The following CNTNAP2 variants were observed in gnomAD, a reference collection of about 807,000 sequenced individuals.
CNTNAP2 encodes contactin associated protein 2.
Under a neutral mutation model 155.2 loss-of-function variants are expected in CNTNAP2, and 98 were observed. The ratio of observed to expected loss-of-function variants is 0.63; its 90% CI spans 0.54 to 0.75. The LOEUF (loss-of-function observed/expected upper bound fraction) is 0.75, where lower values mean the gene tolerates loss of function less well. Among genes scored for constraint, CNTNAP2 ranks in the 30% least tolerant of loss-of-function variants. The pLI, the probability that CNTNAP2 is intolerant of heterozygous loss-of-function variation, is 0.00. For missense variants in CNTNAP2, 1,727 were observed against 1,688.1 expected, an observed-to-expected ratio of 1.02 and a Z score of -0.40; for synonymous variants, 651 against 631.2, an observed-to-expected ratio of 1.03 and a Z score of -0.47.
chr7:147,334,115 G>A (rs1795625025), intron 9 of CNTNAP2, among the ~76,000 whole-genome samples: 1 of 152,162 alleles, frequency 6.6e-6, no homozygotes, highest in African/African-American at 2.4e-5. Flanking sequence ...CCCAAAGGAA[G>A]ATGTGTCTAA....
chr7:147,720,247 A>G (rs1796544609), intron 13 of CNTNAP2, among the ~76,000 whole-genome samples: 2 of 152,154 alleles, frequency 1.3e-5, no homozygotes, highest in African/African-American at 2.4e-5. Context: ...TACAAACTGT[A>G]TAAGCATGCC....
At chr7:147,370,860 T>C (rs1796328216) in intron 9 of CNTNAP2, among the ~76,000 whole-genome samples, 1 of 152,192 alleles carries the variant, frequency 6.6e-6, no homozygotes, top group South Asian at 2.1e-4. Context: ...TAAAAAATAA[T>C]GATTACTGAT....
intron 15 of CNTNAP2, 131 bp from the exon 16 acceptor site, chr7:148,117,987 T>C: frequency 9.7e-7 from 1 of 1,029,638 alleles, no homozygotes; most frequent in Middle Eastern, 3.0e-4. Flanking sequence ...GGTCCAATGT[T>C]GTTCAACAGA....
chr7:148,332,118 C>T (rs1405594155), intron 21 of CNTNAP2, among the ~76,000 whole-genome samples: 1 of 142,766 alleles, frequency 7.0e-6, no homozygotes, highest in East Asian at 2.0e-4. Context: ...AATAGATATA[C>T]AAAGAGATCA....
intron 3 of CNTNAP2, among the ~76,000 whole-genome samples, chr7:146,848,558 T>C (rs10233647): frequency 0.036 from 5,552 of 152,116 alleles, 325 homozygotes; most frequent in African/African-American, 0.12. Context: ...ACTAGGAAAG[T>C]GGTCTTATTC....
At chr7:147,802,300 C>A (rs1414558501) in intron 13 of CNTNAP2, among the ~76,000 whole-genome samples, 2 of 148,916 alleles carry the variant, frequency 1.3e-5, no homozygotes, top group Non-Finnish European at 3.0e-5. Flanking sequence ...GACTGGGCAG[C>A]CAGGCAGAGG....
chr7:147,135,960 G>A (rs555587292), intron 8 of CNTNAP2, among the ~76,000 whole-genome samples: 56 of 151,136 alleles, frequency 3.7e-4, no homozygotes, highest in African/African-American at 1.4e-3. Flanking sequence ...TTGTCTTATG[G>A]GAACAGTATT....
chr7:146,299,352 T>C (rs1800567172), intron 1 of CNTNAP2, among the ~76,000 whole-genome samples: 1 of 152,114 alleles, frequency 6.6e-6, no homozygotes, highest in African/African-American at 2.4e-5. Flanking sequence ...ATATGGTAGT[T>C]ATTATTATCA....
At chr7:146,970,550 G>T (rs751882589) in intron 3 of CNTNAP2, among the ~76,000 whole-genome samples, 1 of 152,150 alleles carries the variant, frequency 6.6e-6, no homozygotes, top group Non-Finnish European at 1.5e-5. Context: ...TCAATAAAAA[G>T]TCAGGAAACA....
chr7:147,135,738 G>A (rs1801464895), intron 8 of CNTNAP2, among the ~76,000 whole-genome samples: 1 of 150,358 alleles, frequency 6.7e-6, no homozygotes, highest in Admixed American at 6.6e-5. Flanking sequence ...TATTTTAGAT[G>A]CACTATGATA....
intron 3 of CNTNAP2, among the ~76,000 whole-genome samples, chr7:146,917,944 G>A (rs970960182): frequency 3.9e-5 from 6 of 152,172 alleles, no homozygotes; most frequent in Non-Finnish European, 5.9e-5. Flanking sequence ...GAACTAATAC[G>A]TCTTTTTTAA....
At chr7:146,882,969 T>C (rs1585137432) in intron 3 of CNTNAP2, among the ~76,000 whole-genome samples, 1 of 152,164 alleles carries the variant, frequency 6.6e-6, no homozygotes, top group Non-Finnish European at 1.5e-5. Flanking sequence ...ATTGAATCAA[T>C]ATTGTTAAAA....
intron 13 of CNTNAP2, among the ~76,000 whole-genome samples, chr7:147,661,633 A>G (rs906081753): frequency 6.7e-6 from 1 of 148,522 alleles, no homozygotes; most frequent in Non-Finnish European, 1.5e-5. Flanking sequence ...GCTCACTACG[A>G]CCCCTGCCTG....
chr7:146,469,899 G>A lies in CNTNAP2; in HGVS notation c.98-304372G>A, dbSNP rs1295632577. Among the ~76,000 whole-genome samples, 3 of 149,668 alleles carry A rather than the reference G, an allele frequency of 2.0e-5. No individual in the cohort carries two copies. The East Asian group carries it at 6.0e-4, about 30-fold the overall frequency. On this transcript the variant is annotated intron_variant, in intron 1 of 23. Transcript: ENST00000361727. ...CTGTCACCCAGGCTGGAGTGCAGTG[G>A]AGCAATCTCGGCTCACTGCAAACTC...
intron 4 of CNTNAP2, among the ~76,000 whole-genome samples, chr7:147,103,646 T>C (rs552978862): frequency 6.6e-6 from 1 of 152,006 alleles, no homozygotes; most frequent in Non-Finnish European, 1.5e-5. Context: ...TTTACTAGTT[T>C]TTAATTAGTT....
chr7:147,884,581 A>C (rs2116721288), intron 13 of CNTNAP2, among the ~76,000 whole-genome samples: 1 of 152,296 alleles, frequency 6.6e-6, no homozygotes, highest in East Asian at 1.9e-4. Context: ...AAGGCTAACG[A>C]AACAAGTTTT....
At chr7:148,197,975 T>G (rs1056738276) in intron 18 of CNTNAP2, among the ~76,000 whole-genome samples, 1 of 152,248 alleles carries the variant, frequency 6.6e-6, no homozygotes, top group East Asian at 1.9e-4. Context: ...CTAAAAAGGC[T>G]AAAAGGTTAT....
At chr7:147,978,246 A>G in intron 15 of CNTNAP2, 1 of 494,810 alleles carries the variant, frequency 2.0e-6, no homozygotes. Context: ...ACCTAAGTTT[A>G]TGATGATATT....
intron 1 of CNTNAP2, among the ~76,000 whole-genome samples, chr7:146,228,632 A>C (rs569075900): frequency 1.3e-5 from 2 of 152,194 alleles, no homozygotes; most frequent in South Asian, 4.1e-4. Flanking sequence ...AATTTTTCTT[A>C]TAGAAATATT....
Sources: allele counts gnomAD v4.1 joint callset (sites outside exome capture counted in the v4.1 genomes callset), GRCh38; gene constraint gnomAD v4.1.1; transcripts MANE v1.5; gene names NCBI Gene and HGNC (gene_info 2026-07-23, HGNC 2026-07-21).